ODF1: variants seen among roughly 807,000 people sequenced by gnomAD.
ODF1 encodes the protein outer dense fiber protein 1.
A neutral mutation model predicts 24.0 loss-of-function variants in ODF1; 10 were observed. That is an observed-to-expected ratio of 0.42 (90% CI 0.26 to 0.71). The LOEUF is 0.71. Among genes scored for constraint, ODF1 ranks in the 30% least tolerant of loss-of-function variants. ODF1 has a pLI of 0.28. For missense variants in ODF1, 282 were observed against 307.9 expected (o/e 0.92, Z 0.63); for synonymous variants, 118 against 121.3 (o/e 0.97, Z 0.18).
intron 1 of ODF1, among the ~76,000 whole-genome samples, chr8:102,555,551 T>G (rs936401508): frequency 6.6e-6 from 1 of 152,218 alleles, no homozygotes; most frequent in South Asian, 2.1e-4. Flanking sequence ...ATCTGCCTTC[T>G]CATTTCTTGG....
rs769088708 is a variant in ODF1 at position 102,560,735 on chromosome 8, T to C, written c.604T>C (p.Cys202Arg). 6.2e-7 allele frequency: 1 copy of C among 1,613,836 alleles called. No homozygotes were observed. Among genetic ancestry groups the C allele is most frequent in the African/African-American group, 1.3e-5 (1 of 74,824 alleles). The change falls in exon 2 of 2, where the codon TGC becomes CGC. Residue 202 changes from cysteine to arginine, a missense_variant. Coordinates refer to ENST00000285402, the MANE Select transcript of ODF1 (RefSeq NM_024410.4). ...CAGCTGTGTCAAGATCGAGTCTCCTTGCTACCCTTGCACTTCTCCTTGCAG... is the reference window on the plus strand; with the variant it reads ...CAGCTGTGTCAAGATCGAGTCTCCTCGCTACCCTTGCACTTCTCCTTGCAG... ...LGSCVKIESP[C>R]YPCTSPCSPC...
In ODF1 at chr8:102,551,925, C is replaced by A. The variant is rs776260918; in HGVS notation, c.198C>A (p.Gly66=). 3 of 1,614,140 alleles carry A rather than the reference C, an allele frequency of 1.9e-6. No individual in the cohort carries two copies. Among genetic ancestry groups the A allele is most frequent in the East Asian group, 2.2e-5 (1 of 44,878 alleles). The change falls in exon 1 of 2, where the codon GGC becomes GGA. Residue 66 remains glycine (G), a synonymous_variant. Transcript: ENST00000285402. ...LCYSKRSRSC[G]LCDLYPCCLC... ...ATTCCAAGCGATCACGCTCTTGCGGCCTGTGTGATCTCTACCCATGTTGCC... is the reference window on the plus strand; with the variant it reads ...ATTCCAAGCGATCACGCTCTTGCGGACTGTGTGATCTCTACCCATGTTGCC...
At position 102,560,772 on chromosome 8, in the gene ODF1, CCT is replaced by C. The variant is rs757893051; in HGVS notation, c.642_643del (p.Cys215GlnfsTer16). 1.2e-5 allele frequency: 13 copies of C among 1,097,822 alleles called. No individual in the cohort carries two copies. The African/African-American group carries it at 1.4e-4, about 12-fold the overall frequency. The allele number at this position is 1,097,822 out of a possible 1,614,324, so 68.0% of individuals were successfully genotyped here. Reference sequence around the variant, plus strand: ...ACTTCTCCTTGCAGCCCCTGCAGCCCCTGCAGCCCCTGCAACCCCTGCAGCCC... The same window carrying C: ...ACTTCTCCTTGCAGCCCCTGCAGCCCGCAGCCCCTGCAACCCCTGCAGCCC... On this transcript the variant is annotated frameshift_variant, in exon 2 of 2. Coordinates refer to ENST00000285402, the MANE Select transcript of ODF1 (RefSeq NM_024410.4). LOFTEE classifies it high-confidence loss of function.
chr8:102,554,595 C>T (rs1468392432), intron 1 of ODF1, among the ~76,000 whole-genome samples: 1 of 152,184 alleles, frequency 6.6e-6, no homozygotes, highest in Non-Finnish European at 1.5e-5. Context: ...GTTTCTTGAG[C>T]ACTCCTGACT....
intron 1 of ODF1, among the ~76,000 whole-genome samples, chr8:102,553,982 G>A (rs1176924957): frequency 1.3e-5 from 2 of 152,046 alleles, no homozygotes; most frequent in African/African-American, 4.8e-5. Flanking sequence ...TTGTAGAAAT[G>A]ACCTCAGGCT....
At chr8:102,553,911 G>T (rs983484617) in intron 1 of ODF1, among the ~76,000 whole-genome samples, 1 of 152,194 alleles carries the variant, frequency 6.6e-6, no homozygotes, top group African/African-American at 2.4e-5. Context: ...CAGGCAATAT[G>T]TGAAGCTGGT....
intron 1 of ODF1, among the ~76,000 whole-genome samples, chr8:102,559,614 G>A (rs904409320): frequency 6.6e-6 from 1 of 151,658 alleles, no homozygotes. Context: ...TGATCAACAC[G>A]GCCCCACCCA....
chr8:102,556,414 GTTT>G (rs1320117460), intron 1 of ODF1, among the ~76,000 whole-genome samples: 3 of 98,962 alleles, frequency 3.0e-5, no homozygotes, highest in Non-Finnish European at 6.5e-5. Context: ...AGCCACCTGT[GTTT>G]TTTGTTGTTG....
chr8:102,553,085 G>T (rs774802522), intron 1 of ODF1, among the ~76,000 whole-genome samples: 1 of 151,898 alleles, frequency 6.6e-6, no homozygotes, highest in African/African-American at 2.4e-5. Flanking sequence ...ATAGGAGGCC[G>T]GGTGCATTGG....
chr8:102,555,801 G>T (rs913602457), intron 1 of ODF1, among the ~76,000 whole-genome samples: 2 of 152,192 alleles, frequency 1.3e-5, no homozygotes, highest in South Asian at 4.1e-4. Flanking sequence ...CCACTGAGGG[G>T]AGCTCTCCCT....
intron 1 of ODF1, among the ~76,000 whole-genome samples, chr8:102,560,223 G>A (rs1409814034): frequency 6.8e-6 from 1 of 147,626 alleles, no homozygotes; most frequent in Admixed American, 6.7e-5. Context: ...ATTTGGAAGG[G>A]CAGGCAGCAC....
chr8:102,553,204 TACAAAAAAAA>T (rs1394001781), intron 1 of ODF1, among the ~76,000 whole-genome samples: 3 of 65,678 alleles, frequency 4.6e-5, no homozygotes, highest in African/African-American at 1.5e-4. Flanking sequence ...CTCTACTAAA[TACAAAAAAAA>T]AAAAAAAAAA....
intron 1 of ODF1, among the ~76,000 whole-genome samples, chr8:102,553,204 TAC>T (rs1563938522): frequency 6.1e-5 from 4 of 65,678 alleles, no homozygotes; most frequent in African/African-American, 7.3e-5. Flanking sequence ...CTCTACTAAA[TAC>T]AAAAAAAAAA....
chr8:102,557,854 A>G (rs1826129918), intron 1 of ODF1, among the ~76,000 whole-genome samples: 1 of 152,206 alleles, frequency 6.6e-6, no homozygotes. Flanking sequence ...AGGCCCAGAG[A>G]GTGCCCATCT....
chr8:102,554,496 T>C (rs1826085367), intron 1 of ODF1, among the ~76,000 whole-genome samples: 1 of 152,364 alleles, frequency 6.6e-6, no homozygotes, highest in Middle Eastern at 3.4e-3. Context: ...ACTGTTTTTC[T>C]GTGTCACAGT....
At chr8:102,557,871 G>T (rs747449358) in intron 1 of ODF1, among the ~76,000 whole-genome samples, 4 of 152,188 alleles carry the variant, frequency 2.6e-5, no homozygotes, top group Non-Finnish European at 4.4e-5. Flanking sequence ...ATCTTGCTCT[G>T]TGCTTCCCCT....
chr8:102,557,141 C>G (rs36084223), intron 1 of ODF1, among the ~76,000 whole-genome samples: 37 of 152,218 alleles, frequency 2.4e-4, no homozygotes, highest in Admixed American at 9.2e-4. Flanking sequence ...CCCAGCTTTC[C>G]TAAGAGGCTT....
chr8:102,560,334 A>G, intron 1 of ODF1, 118 bp from the exon 2 acceptor site: 1 of 906,688 alleles, frequency 1.1e-6, no homozygotes, highest in Non-Finnish European at 1.7e-6. Context: ...TATTTTCACA[A>G]TGGCTAGTAT....
chr8:102,556,867 A>G (rs1407126964), intron 1 of ODF1, among the ~76,000 whole-genome samples: 1 of 152,186 alleles, frequency 6.6e-6, no homozygotes, highest in East Asian at 1.9e-4. Flanking sequence ...AAGTACTCCA[A>G]TGAAGCCTAG....
Sources: gnomAD v4.1 joint callset for allele counts (sites outside exome capture counted in the v4.1 genomes callset) on GRCh38, gnomAD v4.1.1 for gene constraint, MANE v1.5 for transcripts, NCBI Gene and HGNC (gene_info 2026-07-23, HGNC 2026-07-21) for gene names.